MSRA: variants seen among roughly 807,000 people sequenced by gnomAD.
MSRA encodes the protein mitochondrial peptide methionine sulfoxide reductase.
Under a neutral mutation model 31.3 loss-of-function variants are expected in MSRA, and 54 were observed. The observed-to-expected ratio is 1.73, with a 90% confidence interval of 1.39 to 2.17. The LOEUF is 2.17. Among genes scored for constraint, MSRA ranks in the 30% most tolerant of loss-of-function variants. The pLI, the probability that MSRA is intolerant of heterozygous loss-of-function variation, is 0.00. For synonymous variants in MSRA, 169 were observed against 116.5 expected, an observed-to-expected ratio of 1.45 and a Z score of -2.90; for missense variants, 507 against 300.9, an observed-to-expected ratio of 1.69 and a Z score of -5.07.
chr8:10,119,305 CTT>C (rs1175093538), intron 1 of MSRA, among the ~76,000 whole-genome samples: 3 of 152,198 alleles, frequency 2.0e-5, no homozygotes, highest in East Asian at 1.9e-4. Flanking sequence ...CGACAGAAGA[CTT>C]TTGTTGAATA....
At position 10,298,311 on chromosome 8, in the gene MSRA, A is replaced by G. The variant is rs183220461; in HGVS notation, c.332-3223A>G. Among the ~76,000 whole-genome samples the G allele has an allele frequency of 2.1e-3, 315 of 152,348 alleles. 2 individuals carry two copies. The highest frequency in any genetic ancestry group is 7.4e-3 in the African/African-American group (309 of 41,584). On this transcript the variant is annotated intron_variant, in intron 3 of 5. Transcript: ENST00000317173. ...AGCCCTAAAAAGGAAGAAAATTCAGACACATGCAACAACATGGGTGAACCT... is the reference window on the plus strand; with the variant it reads ...AGCCCTAAAAAGGAAGAAAATTCAGGCACATGCAACAACATGGGTGAACCT...
intron 1 of MSRA, among the ~76,000 whole-genome samples, chr8:10,075,894 G>C (rs1055599430): frequency 1.3e-5 from 2 of 152,318 alleles, no homozygotes; most frequent in East Asian, 3.9e-4. Context: ...ATGCCGTGGA[G>C]TGTGATGCTG....
chr8:10,280,095 C>T (rs756108374), intron 3 of MSRA, among the ~76,000 whole-genome samples: 11 of 152,178 alleles, frequency 7.2e-5, no homozygotes, highest in South Asian at 2.1e-4. Flanking sequence ...AAATTTTTGA[C>T]GTGAAGTTTT....
chr8:10,348,508 T>C (rs1803930784), intron 5 of MSRA, among the ~76,000 whole-genome samples: 1 of 151,954 alleles, frequency 6.6e-6, no homozygotes, highest in Admixed American at 6.6e-5. Flanking sequence ...TAGCCGGGAC[T>C]ACAAGCGTGC....
At chr8:10,128,050 G>C (rs1437959417) in intron 1 of MSRA, among the ~76,000 whole-genome samples, 1 of 152,084 alleles carries the variant, frequency 6.6e-6, no homozygotes, top group Non-Finnish European at 1.5e-5. Context: ...TGCATTCTCT[G>C]TGTCTCCTTC....
chr8:10,326,126 G>A (rs999194414), intron 5 of MSRA, among the ~76,000 whole-genome samples: 1 of 152,142 alleles, frequency 6.6e-6, no homozygotes, highest in East Asian at 1.9e-4. Flanking sequence ...TACACTAACT[G>A]TAATGTTGAC....
Position 10,375,129 on chromosome 8 carries a change from C to G in MSRA, c.544-53019C>G, listed in dbSNP as rs528232978. Among the ~76,000 whole-genome samples the G allele has an allele frequency of 7.2e-5, 11 of 152,322 alleles. No homozygotes were observed. In the South Asian group the frequency reaches 1.9e-3, roughly 26 times the overall value. The stretch of plus-strand genomic sequence containing the variant: ...ATAAATTACCCAGCCTCAGGTATTC[C>G]TTTATAGCAGTGCAGATGGAATAAC... On this transcript the variant is annotated intron_variant, in intron 5 of 5. Coordinates refer to ENST00000317173, the MANE Select transcript of MSRA (RefSeq NM_012331.5).
At chr8:10,423,003 GCA>G (rs906644902) in intron 5 of MSRA, among the ~76,000 whole-genome samples, 8 of 152,236 alleles carry the variant, frequency 5.3e-5, no homozygotes, top group African/African-American at 1.9e-4. Flanking sequence ...CCTCTGTCCA[GCA>G]CAGTGTTTCT....
intron 1 of MSRA, among the ~76,000 whole-genome samples, chr8:10,164,070 T>C (rs1023415456): frequency 6.6e-6 from 1 of 152,246 alleles, no homozygotes; most frequent in African/African-American, 2.4e-5. Context: ...AGTTTTTCTT[T>C]TCTGTTCTCC....
chr8:10,242,966 C>T (rs542758190), intron 2 of MSRA, among the ~76,000 whole-genome samples: 14 of 152,288 alleles, frequency 9.2e-5, no homozygotes, highest in African/African-American at 2.9e-4. Flanking sequence ...TCATCCTCCT[C>T]CTCATGGGGT....
chr8:10,121,481 GGA>G (rs1801104044), intron 1 of MSRA, among the ~76,000 whole-genome samples: 1 of 152,172 alleles, frequency 6.6e-6, no homozygotes, highest in South Asian at 2.1e-4. Flanking sequence ...TCCAGGATGG[GGA>G]TTTTGTGGGG....
chr8:10,193,910 A>G (rs1473779102), intron 1 of MSRA, among the ~76,000 whole-genome samples: 1 of 152,204 alleles, frequency 6.6e-6, no homozygotes, highest in Non-Finnish European at 1.5e-5. Context: ...TTGAAAATCA[A>G]TTGAGAGCTT....
In MSRA at chr8:10,105,637, T is replaced by C. The variant is rs569495070; in HGVS notation, c.142+50979T>C. On this transcript the variant is annotated intron_variant, in intron 1 of 5. Coordinates refer to ENST00000317173, the MANE Select transcript of MSRA (RefSeq NM_012331.5). Reference sequence around the variant, plus strand: ...GAATGTTCTGTTGATCTGATTATAGTGCTTTCTATACAGTGAATAATCTCG... The same window carrying C: ...GAATGTTCTGTTGATCTGATTATAGCGCTTTCTATACAGTGAATAATCTCG... Among the ~76,000 whole-genome samples the C allele has an allele frequency of 7.2e-5, 11 of 152,342 alleles. No individual in the cohort carries two copies. The East Asian group carries it at 1.9e-3, about 27-fold the overall frequency.
intron 1 of MSRA, among the ~76,000 whole-genome samples, chr8:10,170,678 G>C (rs1418579845): frequency 1.3e-5 from 2 of 152,182 alleles, no homozygotes; most frequent in African/African-American, 4.8e-5. Context: ...ATGTGCATAG[G>C]TTACATGCTT....
chr8:10,380,567 A>C (rs1057174448), intron 5 of MSRA, among the ~76,000 whole-genome samples: 1 of 152,258 alleles, frequency 6.6e-6, no homozygotes, highest in East Asian at 1.9e-4. Flanking sequence ...TTCCAGGGAC[A>C]GTCCAAGATA....
intron 1 of MSRA, among the ~76,000 whole-genome samples, chr8:10,183,197 C>T (rs1306095889): frequency 6.6e-6 from 1 of 152,138 alleles, no homozygotes; most frequent in Non-Finnish European, 1.5e-5. Context: ...CCCTTGACTC[C>T]CTCAGTCCCA....
intron 5 of MSRA, among the ~76,000 whole-genome samples, chr8:10,423,172 C>A (rs550142439): frequency 6.6e-6 from 1 of 152,210 alleles, no homozygotes. Context: ...CACCAGGCTG[C>A]GCATTACCTG....
At chr8:10,350,457 G>A (rs1804058018) in intron 5 of MSRA, among the ~76,000 whole-genome samples, 2 of 152,308 alleles carry the variant, frequency 1.3e-5, no homozygotes, top group South Asian at 4.1e-4. Context: ...CTGACACTGT[G>A]GATGAAAAGG....
chr8:10,200,604 G>A (rs948598857), intron 1 of MSRA, among the ~76,000 whole-genome samples: 5 of 152,140 alleles, frequency 3.3e-5, no homozygotes, highest in South Asian at 2.1e-4. Context: ...ATGAGTGGGC[G>A]TAGTGGTCAG....
Sources: gnomAD v4.1 joint callset for allele counts (sites outside exome capture counted in the v4.1 genomes callset) on GRCh38, gnomAD v4.1.1 for gene constraint, MANE v1.5 for transcripts, NCBI Gene and HGNC (gene_info 2026-07-23, HGNC 2026-07-21) for gene names.